Variants in TENT5D observed in about 807,000 individuals in gnomAD.
TENT5D encodes terminal nucleotidyltransferase 5D.
For synonymous variants in TENT5D, 103 were observed against 100.6 expected, an observed-to-expected ratio of 1.02 and a Z score of -0.15; for missense variants, 191 against 287.0, an observed-to-expected ratio of 0.67 and a Z score of 2.42.
chrX:80,365,767 G>A (rs1325385283), intron 3 of TENT5D, among the ~76,000 whole-genome samples: 1 of 109,258 alleles, frequency 9.2e-6, no homozygotes, highest in South Asian at 4.0e-4. Flanking sequence ...CTTGAACCCG[G>A]GAGGCAGAGG....
rs918455758 is a variant in TENT5D, at chrX:80,435,074, C to T, written c.-141-3536C>T. Among the ~76,000 whole-genome samples the T allele has an allele frequency of 6.3e-5, 7 of 110,922 alleles. No individual in the cohort carries two copies. The South Asian group carries it at 1.9e-3, about 30-fold the overall frequency. ...CTGGGATTACAGACTTGAGCCACCG[C>T]GCCCAGCCCCCTTCTGAAACTTTGA... On this transcript the variant is annotated intron_variant, in intron 1 of 2. Coordinates refer to ENST00000308293, the Ensembl canonical transcript of TENT5D.
chrX:80,352,139 G>T (rs764485243), intron 3 of TENT5D, among the ~76,000 whole-genome samples: 1 of 112,345 alleles, frequency 8.9e-6, no homozygotes, highest in Admixed American at 9.4e-5. Flanking sequence ...GGACCCACTT[G>T]AGGAGGCAGT....
At chrX:80,335,628 T>G (rs949913870) in intron 1 of TENT5D, 1 of 112,043 alleles carries the variant, frequency 8.9e-6, no homozygotes. Flanking sequence ...TTCTTAACCT[T>G]CCGCCCCACC....
At chrX:80,378,754 C>T (rs1175656957) in intron 3 of TENT5D, among the ~76,000 whole-genome samples, 1 of 111,299 alleles carries the variant, frequency 9.0e-6, no homozygotes, top group Non-Finnish European at 1.9e-5. Context: ...ATTGTCTTTG[C>T]AATGCAGGCT....
At chrX:80,402,732 T>C (rs1253893645) in intron 3 of TENT5D, among the ~76,000 whole-genome samples, 8 of 112,011 alleles carry the variant, frequency 7.1e-5, no homozygotes, top group Non-Finnish European at 1.5e-4. Context: ...TTTCATACCA[T>C]TGTGGCTGGA....
chrX:80,388,327 A>T (rs1456218053), intron 3 of TENT5D, among the ~76,000 whole-genome samples: 5 of 111,472 alleles, frequency 4.5e-5, no homozygotes, highest in South Asian at 7.5e-4. Flanking sequence ...TAGACACCAC[A>T]GCTAGGAATA....
chrX:80,396,880 G>C (rs112572766), intron 3 of TENT5D, among the ~76,000 whole-genome samples: 2 of 2,525 alleles, frequency 7.9e-4, no homozygotes, highest in Non-Finnish European at 1.6e-3. Flanking sequence ...CCTCCCAGAC[G>C]GGGTGGCTGG....
At chrX:80,416,415 T>C (rs1319649432), upstream of TENT5D, among the ~76,000 whole-genome samples, 1 of 109,238 alleles carries the variant, frequency 9.2e-6, no homozygotes, top group Non-Finnish European at 1.9e-5. Flanking sequence ...TCCTAACGTT[T>C]TGATGTCATC....
chrX:80,346,879 CTA>C (rs1930074028), intron 3 of TENT5D, among the ~76,000 whole-genome samples: 1 of 110,442 alleles, frequency 9.1e-6, no homozygotes, highest in African/African-American at 3.3e-5. Flanking sequence ...CTCCCTGTGT[CTA>C]TGTGTTCTCA....
chrX:80,429,207 T>C (rs777823078), intron 1 of TENT5D, among the ~76,000 whole-genome samples: 1 of 111,743 alleles, frequency 8.9e-6, no homozygotes, highest in Non-Finnish European at 1.9e-5. Context: ...AGGTGGCTTT[T>C]TTATTGCCTG....
chrX:80,358,437 C>G (rs1233939059), intron 3 of TENT5D, among the ~76,000 whole-genome samples: 2 of 112,056 alleles, frequency 1.8e-5, no homozygotes. Context: ...AATACCCTCT[C>G]TAAAATGGAA....
intron 2 of TENT5D, among the ~76,000 whole-genome samples, chrX:80,440,085 C>T (rs185102423): frequency 8.9e-6 from 1 of 111,751 alleles, no homozygotes; most frequent in Non-Finnish European, 1.9e-5. Context: ...TCTCCACATC[C>T]TGGCAAGTTG....
intron 1 of TENT5D, among the ~76,000 whole-genome samples, chrX:80,422,587 T>C (rs1931911199): frequency 8.9e-6 from 1 of 111,812 alleles, no homozygotes; most frequent in Non-Finnish European, 1.9e-5. Context: ...GTTTTTCTCC[T>C]TGATGGGATG....
intron 3 of TENT5D, among the ~76,000 whole-genome samples, chrX:80,361,864 T>C (rs1326698648): frequency 1.8e-5 from 2 of 111,925 alleles, no homozygotes; most frequent in African/African-American, 3.2e-5. Context: ...ATTCAGGTGC[T>C]GCATGTGCAG....
intron 3 of TENT5D, among the ~76,000 whole-genome samples, chrX:80,385,720 G>T (rs1426856093): frequency 8.1e-5 from 9 of 111,453 alleles, no homozygotes; most frequent in African/African-American, 1.3e-4. Flanking sequence ...TTAAACAAAT[G>T]TACAAGAAAA....
rs1931036311 is a variant in TENT5D at position 80,387,323 on chromosome X, T to C, written c.-142+44759T>C. 3.6e-5 allele frequency among the ~76,000 whole-genome samples: 4 copies of C among 111,714 alleles called. No individual in the cohort carries two copies. In the South Asian group the frequency reaches 1.5e-3, roughly 42 times the overall value. ...CCCCCAATTTCTGGGCATTGCAGAGTTAGGTATTTATTGTAGTCTTCATCG... is the reference window on the plus strand; with the variant it reads ...CCCCCAATTTCTGGGCATTGCAGAGCTAGGTATTTATTGTAGTCTTCATCG... On this transcript the variant is annotated intron_variant, in intron 3 of 4. Coordinates refer to the TENT5D transcript ENST00000538312.
chrX:80,373,859 AG>A (rs1261605229), intron 3 of TENT5D, among the ~76,000 whole-genome samples: 1 of 111,528 alleles, frequency 9.0e-6, no homozygotes, highest in Non-Finnish European at 1.9e-5. Flanking sequence ...TTTTAAGTTC[AG>A]GGGTACATGT....
At chrX:80,392,853 T>A (rs1214523712) in intron 3 of TENT5D, among the ~76,000 whole-genome samples, 1 of 111,058 alleles carries the variant, frequency 9.0e-6, no homozygotes, top group Non-Finnish European at 1.9e-5. Flanking sequence ...TTCTCTAAAC[T>A]TTTTTTTGCC....
chrX:80,419,033 T>C (rs1444610322), upstream of TENT5D, among the ~76,000 whole-genome samples: 4 of 111,805 alleles, frequency 3.6e-5, no homozygotes, highest in African/African-American at 1.3e-4. Context: ...TTTATTTTTT[T>C]CAATGGGATC....
Sources: allele counts gnomAD v4.1 joint callset (sites outside exome capture counted in the v4.1 genomes callset), GRCh38; gene constraint gnomAD v4.1.1; transcripts MANE v1.5; gene names NCBI Gene and HGNC (gene_info 2026-07-23, HGNC 2026-07-21).